Variants in ACAD9 observed in about 807,000 individuals in gnomAD.
ACAD9 encodes complex I assembly factor ACAD9, mitochondrial.
In ACAD9, 53 loss-of-function variants were observed where a neutral mutation model predicts 70.2. The ratio of observed to expected loss-of-function variants is 0.75; its 90% CI spans 0.61 to 0.95. ACAD9 has a LOEUF of 0.95. Ranked by LOEUF, ACAD9 falls within the 40% of genes least tolerant of loss-of-function variation. The probability of loss-of-function intolerance (pLI) is 0.00; values close to 1 mark genes in which losing one functional copy is unlikely to be tolerated. For synonymous variants in ACAD9, 313 were observed against 312.1 expected, an observed-to-expected ratio of 1.00 and a Z score of -0.03; for missense variants, 777 against 802.8, an observed-to-expected ratio of 0.97 and a Z score of 0.39.
chr3:128,908,532 G>C, intron 13 of ACAD9: 1 of 584,428 alleles, frequency 1.7e-6, no homozygotes, highest in Non-Finnish European at 3.1e-6. Flanking sequence ...GAGGCAGCTG[G>C]TTTTTCAGAA....
Position 128,893,493 on chromosome 3 carries a change from G to A in ACAD9, c.245-62G>A, listed in dbSNP as rs780801750. 6.9e-6 allele frequency: 9 copies of A among 1,304,474 alleles called. No individual in the cohort carries two copies. The African/African-American group carries it at 8.7e-5, about 13-fold the overall frequency. 80.8% of individuals were successfully genotyped at this position (1,304,474 alleles called of 1,614,324 possible). A position where few individuals can be genotyped will look rare whatever the true frequency, so the allele number is the denominator to read the frequency against. Reference sequence around the variant, plus strand: ...ATGATTAATATATAAACACTGTCCTGTTTACTTATATTTGTAGAAACATAG... The same window carrying A: ...ATGATTAATATATAAACACTGTCCTATTTACTTATATTTGTAGAAACATAG... On this transcript the variant is annotated intron_variant, in intron 2 of 17. Transcript: ENST00000308982.
intron 1 of ACAD9, 171 bp downstream of exon 1, chr3:128,880,012 G>A: frequency 6.5e-7 from 1 of 1,546,742 alleles, no homozygotes; most frequent in Non-Finnish European, 8.7e-7. Flanking sequence ...CCTTCCCAGA[G>A]AAAGGGTGAG....
At chr3:128,904,735 C>T (rs183349576) in intron 11 of ACAD9, among the ~76,000 whole-genome samples, 5 of 152,284 alleles carry the variant, frequency 3.3e-5, no homozygotes, top group Admixed American at 2.0e-4. Context: ...AGAAGGAGAC[C>T]GTTATGATAA....
At chr3:128,906,051 C>T in intron 11 of ACAD9, 70 bp from the exon 12 acceptor site, 1 of 1,610,972 alleles carries the variant, frequency 6.2e-7, no homozygotes, top group Admixed American at 1.7e-5. Flanking sequence ...CCTCCCATGC[C>T]TCCCCAGCCA....
chr3:128,911,316 CA>C (rs1267073191), intron 17 of ACAD9, among the ~76,000 whole-genome samples: 1 of 152,136 alleles, frequency 6.6e-6, no homozygotes, highest in Non-Finnish European at 1.5e-5. Context: ...CCTCAGCCTC[CA>C]AAAATGCTGG....
intron 1 of ACAD9, chr3:128,880,142 G>A: frequency 1.2e-6 from 1 of 834,364 alleles, no homozygotes; most frequent in South Asian, 1.7e-5. Flanking sequence ...CATCTCAGCT[G>A]GTCTGGTCTG....
chr3:128,885,288 G>A (rs1428776025), intron 2 of ACAD9, among the ~76,000 whole-genome samples: 1 of 152,256 alleles, frequency 6.6e-6, no homozygotes, highest in East Asian at 1.9e-4. Context: ...TTCAGTGATG[G>A]TGGATGGACA....
At chr3:128,895,169 G>T in intron 3 of ACAD9, 141 bp from the exon 4 acceptor site, 1 of 727,268 alleles carries the variant, frequency 1.4e-6, no homozygotes, top group Admixed American at 2.2e-5. Flanking sequence ...GAGCCACCAT[G>T]CCCGGCCTGT....
chr3:128,907,264 T>C lies in ACAD9; in HGVS notation c.1279-921T>C, dbSNP rs527687856. On this transcript the variant is annotated intron_variant, in intron 12 of 17. Transcript: ENST00000308982. ...GCTGCTTTTGTTCCTGGCCTACCCA[T>C]TGGGTTCCAGCCATCTCCACTGTTG... 2.6e-5 allele frequency among the ~76,000 whole-genome samples: 4 copies of C among 152,182 alleles called. No individual in the cohort carries two copies. In the East Asian group the frequency reaches 7.7e-4, roughly 29 times the overall value.
intron 1 of ACAD9, chr3:128,880,071 A>C: frequency 6.7e-7 from 1 of 1,495,554 alleles, no homozygotes; most frequent in Non-Finnish European, 8.9e-7. Context: ...GACGTGTTCC[A>C]GCTAAATTTT....
rs1935482855 is a variant in ACAD9 at position 128,893,590 on chromosome 3, C to G, written c.280C>G (p.Pro94Ala). 1 of 1,614,062 alleles carries G rather than the reference C, an allele frequency of 6.2e-7. No individual in the cohort carries two copies. Among genetic ancestry groups the G allele is most frequent in the Non-Finnish European group, 8.5e-7 (1 of 1,180,014 alleles). ...AAAAATTGACCAGGAAGGGAAAATCCCAGATGAAACTTTGGAGAAATTGAA... is the reference window on the plus strand; with the variant it reads ...AAAAATTGACCAGGAAGGGAAAATCGCAGATGAAACTTTGGAGAAATTGAA... ...SRKIDQEGKIPDETLEKLKSL... is the reference protein window; with the variant it reads ...SRKIDQEGKIADETLEKLKSL... Residue 94 changes from proline to alanine, a missense_variant, in exon 3 of 18, where the codon CCA (proline) becomes GCA (alanine). Physicochemically the swap from Pro to Ala is conservative, Grantham distance 27. Transcript: ENST00000308982.
chr3:128,896,937 C>A (rs954310016), intron 5 of ACAD9, among the ~76,000 whole-genome samples: 3 of 152,104 alleles, frequency 2.0e-5, no homozygotes, highest in African/African-American at 7.2e-5. Flanking sequence ...CGGCAGCACT[C>A]GGGACTCTGA....
At chr3:128,897,485 C>G in intron 5 of ACAD9, 147 bp from the exon 6 acceptor site, 1 of 729,064 alleles carries the variant, frequency 1.4e-6, no homozygotes, top group Non-Finnish European at 2.4e-6. Context: ...CATCCTGCAG[C>G]TTGGAAAGCT....
At chr3:128,879,990 GT>G in intron 1 of ACAD9, 149 bp downstream of exon 1, 2 of 1,552,068 alleles carry the variant, frequency 1.3e-6, no homozygotes, top group Non-Finnish European at 1.7e-6. Context: ...GGATTCCTGA[GT>G]TCCAGGAAAA....
intron 7 of ACAD9, among the ~76,000 whole-genome samples, chr3:128,900,759 G>C (rs1044741948): frequency 3.9e-5 from 6 of 152,096 alleles, no homozygotes; most frequent in Non-Finnish European, 8.8e-5. Flanking sequence ...GCAGGGAAAG[G>C]GAGGGAGGTC....
chr3:128,912,489 T>C lies in ACAD9; in HGVS notation c.1766-18T>C. On this transcript the variant is annotated intron_variant, in intron 17 of 17. Coordinates refer to ENST00000308982, the MANE Select transcript of ACAD9 (RefSeq NM_014049.5). ...CGGTGCAGAAAGATCACCCACCATC[T>C]CTCCTTTTCCTTCCCAGATGCTCCA... is the stretch of plus-strand genomic sequence containing the variant. 6.2e-7 allele frequency: 1 copy of C among 1,608,062 alleles called. No individual in the cohort carries two copies. The highest frequency in any genetic ancestry group is 1.1e-5 in the South Asian group (1 of 90,942).
rs1382243592 is a variant in ACAD9, at chr3:128,912,590, C to G, written c.1849C>G (p.Leu617Val). ...EKRAYICAHPLDRTC is the reference protein window; with the variant it reads ...EKRAYICAHPVDRTC ...GCGAGCCTATATCTGTGCCCACCCT[C>G]TGGACAGGACATGCTGAGGCAGGGG... is the stretch of plus-strand genomic sequence containing the variant. Residue 617 changes from leucine (L) to valine (V), a missense_variant, in exon 18 of 18, where the codon CTG becomes GTG. Physicochemically the swap from Leu to Val is conservative, Grantham distance 32. Coordinates refer to ENST00000308982, the MANE Select transcript of ACAD9 (RefSeq NM_014049.5). 1.9e-6 allele frequency: 3 copies of G among 1,614,178 alleles called. No homozygotes were observed. The highest frequency in any genetic ancestry group is 2.5e-6 in the Non-Finnish European group (3 of 1,179,994).
At chr3:128,904,663 C>T (rs1035970845) in intron 11 of ACAD9, among the ~76,000 whole-genome samples, 158 bp downstream of exon 11, 1 of 152,216 alleles carries the variant, frequency 6.6e-6, no homozygotes, top group Non-Finnish European at 1.5e-5. Flanking sequence ...CAGGGATAGG[C>T]AGGCAGCGGG....
At chr3:128,884,566 C>A in intron 1 of ACAD9, 87 bp from the exon 2 acceptor site, 2 of 968,946 alleles carry the variant, frequency 2.1e-6, no homozygotes, top group Admixed American at 3.9e-5. Context: ...GAGTGGAGCA[C>A]ATGTTTTTCC....
Sources: allele counts gnomAD v4.1 joint callset (sites outside exome capture counted in the v4.1 genomes callset), GRCh38; gene constraint gnomAD v4.1.1; transcripts MANE v1.5; gene names NCBI Gene and HGNC (gene_info 2026-07-23, HGNC 2026-07-21).